The following NPHP3 variants were observed in gnomAD, a reference collection of about 807,000 sequenced individuals.
NPHP3 encodes the protein nephrocystin-3.
In NPHP3, 123 loss-of-function variants were observed where a neutral mutation model predicts 171.9. That is an observed-to-expected ratio of 0.72 (90% CI 0.62 to 0.83). The LOEUF is 0.83. NPHP3 is among the 40% of genes least tolerant of loss of function. The pLI is 0.00. For synonymous variants in NPHP3, 558 were observed against 579.2 expected (o/e 0.96, Z 0.52); for missense variants, 1,506 against 1,591.9 (o/e 0.95, Z 0.92).
chr3:132,705,782 T>C lies in NPHP3; in HGVS notation c.1308A>G (p.Gly436=), dbSNP rs777911324. The change falls in exon 8 of 27, where the codon GGA becomes GGG. Residue 436 remains glycine (G), a synonymous_variant. Coordinates refer to ENST00000337331, the MANE Select transcript of NPHP3 (RefSeq NM_153240.5). The stretch of plus-strand genomic sequence containing the variant: ...CTACACAAATATAAGTTTTATATAC[T>C]CCTTCTGCAGGATCTCCTGAGTGAT... ...IIDHSGDPAE[G]VYKTYICVEK... The C allele has an allele frequency of 4.0e-6, 6 of 1,509,104 alleles. No homozygotes were observed. The Admixed American group carries it at 6.7e-5, about 17-fold the overall frequency. 93.5% of individuals were successfully genotyped at this position (1,509,104 alleles called of 1,614,324 possible).
intron 9 of NPHP3, among the ~76,000 whole-genome samples, 153 bp from the exon 10 acceptor site, chr3:132,701,686 T>G (rs1321553381): frequency 2.6e-5 from 4 of 152,228 alleles, no homozygotes; most frequent in Non-Finnish European, 4.4e-5. Context: ...AATTGCCTAC[T>G]TTTATGGCTG....
chr3:132,718,947 T>C (rs1228475451), intron 3 of NPHP3, 47 bp downstream of exon 3: 1 of 1,593,764 alleles, frequency 6.3e-7, no homozygotes, highest in Admixed American at 1.7e-5. Context: ...CTACATGTCA[T>C]TACAGCCATG....
chr3:132,691,398 T>C (rs1939295665), intron 17 of NPHP3, 112 bp from the exon 18 acceptor site: 2 of 752,650 alleles, frequency 2.7e-6, no homozygotes, highest in Non-Finnish European at 4.7e-6. Context: ...AGCTGTATAA[T>C]AGAAATGTCA....
chr3:132,721,662 C>T, intron 1 of NPHP3: 1 of 557,690 alleles, frequency 1.8e-6, no homozygotes, highest in Non-Finnish European at 3.3e-6. Context: ...GGGGACCAGG[C>T]GCGGTGGCTC....
In NPHP3 at chr3:132,722,324, G is replaced by T. The variant is rs1207953446; in HGVS notation, c.32C>A (p.Ala11Glu). ...CGTGTCCTCGATCACTTCCCCGCCC[G>T]CGGGGCTCACGAGCGACGAGGCGGT... MGTASSLVSPAGGEVIEDTYG... is the reference protein window; with the variant it reads MGTASSLVSPEGGEVIEDTYG... The change falls in exon 1 of 27, where the codon GCG (alanine) becomes GAG (glutamate). Residue 11 changes from alanine (A) to glutamate (E), a missense_variant. Ala to Glu is a moderately radical substitution (Grantham distance 107, BLOSUM62 -1). Coordinates refer to ENST00000337331, the MANE Select transcript of NPHP3 (RefSeq NM_153240.5). 2 of 1,579,776 alleles carry T rather than the reference G, an allele frequency of 1.3e-6. No homozygotes were observed. The highest frequency in any genetic ancestry group is 1.7e-6 in the Non-Finnish European group (2 of 1,172,222).
At chr3:132,691,038 C>T (rs534048889) in intron 18 of NPHP3, among the ~76,000 whole-genome samples, 154 bp downstream of exon 18, 1 of 152,236 alleles carries the variant, frequency 6.6e-6, no homozygotes, top group Non-Finnish European at 1.5e-5. Flanking sequence ...TCATCTTTTG[C>T]TCTTTTGACA....
At position 132,700,040 on chromosome 3, in the gene NPHP3, C is replaced by G. The variant is rs753592193; in HGVS notation, c.1765G>C (p.Val589Leu). The stretch of plus-strand genomic sequence containing the variant: ...GCAGGATCCAGTGTCAGAGCAGAGA[C>G]TGACCAAGAGTGCTGCATCAACTAC... ...TLKLMQHSWSVSALTLDPAKL... is the reference protein window; with the variant it reads ...TLKLMQHSWSLSALTLDPAKL... The change falls in exon 12 of 27, where the codon GTC becomes CTC. Residue 589 changes from valine to leucine, a missense_variant. Val to Leu is a conservative substitution (Grantham distance 32, BLOSUM62 1). Transcript: ENST00000337331. 1 of 1,614,112 alleles carries G rather than the reference C, an allele frequency of 6.2e-7. No homozygotes were observed. The highest frequency in any genetic ancestry group is 2.2e-5 in the East Asian group (1 of 44,880).
intron 16 of NPHP3, 141 bp from the exon 17 acceptor site, chr3:132,692,959 G>C (rs747652498): frequency 5.4e-5 from 39 of 718,332 alleles, no homozygotes; most frequent in Non-Finnish European, 8.1e-5. Flanking sequence ...TCAAGAAACA[G>C]ATTTATTAAA....
chr3:132,721,555 G>A (rs1940218584), intron 1 of NPHP3: 6 of 322,472 alleles, frequency 1.9e-5, no homozygotes, highest in South Asian at 1.5e-4. Context: ...GGGCGCGGGG[G>A]CGGCAGTGGA....
chr3:132,719,193 G>T (rs1177771997), intron 2 of NPHP3, 49 bp from the exon 3 acceptor site: 3 of 1,440,140 alleles, frequency 2.1e-6, no homozygotes, highest in South Asian at 1.2e-5. Flanking sequence ...TAATCAAAAA[G>T]TTGTGTCATC....
intron 18 of NPHP3, 60 bp from the exon 19 acceptor site, chr3:132,690,710 G>C: frequency 3.8e-6 from 6 of 1,561,010 alleles, no homozygotes; most frequent in Non-Finnish European, 4.4e-6. Flanking sequence ...CTTCAAAAAG[G>C]CTTCAGGCAA....
chr3:132,705,317 G>C (rs763381313), intron 8 of NPHP3, among the ~76,000 whole-genome samples: 9 of 152,050 alleles, frequency 5.9e-5, no homozygotes, highest in Non-Finnish European at 1.2e-4. Context: ...CCTGGTCCAT[G>C]TTCTCACCCC....
At chr3:132,718,049 C>T (rs55886144) in intron 3 of NPHP3, 14,818 of 408,100 alleles carry the variant, frequency 0.036, 396 homozygotes, top group African/African-American at 0.17. Context: ...CCACCGTGCC[C>T]GGCCTTCATT....
chr3:132,722,050 G>C lies in NPHP3; in HGVS notation c.306C>G (p.Arg102=). Residue 102 remains arginine, a synonymous_variant, in exon 1 of 27, where the codon CGC becomes CGG. Transcript: ENST00000337331. The stretch of plus-strand genomic sequence containing the variant: ...ACAACAACTCCTGGTTCTTGCTGAC[G>C]CGAAAGATCTCGTACTCCTTCCTGA... The part of the protein sequence containing the change: ...ERLRKEYEIF[R]VSKNQELLSM... The C allele has an allele frequency of 6.2e-7, 1 of 1,613,036 alleles. No homozygotes were observed. Among genetic ancestry groups the C allele is most frequent in the Non-Finnish European group, 8.5e-7 (1 of 1,179,898 alleles).
intron 13 of NPHP3, 26 bp from the exon 14 acceptor site, chr3:132,697,388 A>G (rs1422659095): frequency 7.1e-7 from 1 of 1,413,970 alleles, no homozygotes; most frequent in South Asian, 1.2e-5. Context: ...AAGAAAAATG[A>G]AATTTTAATA....
chr3:132,718,705 T>C (rs1940122149), intron 3 of NPHP3, among the ~76,000 whole-genome samples: 1 of 152,192 alleles, frequency 6.6e-6, no homozygotes, highest in African/African-American at 2.4e-5. Flanking sequence ...AAAATGCAGA[T>C]GTGCTGGTGG....
Position 132,722,154 on chromosome 3 carries a change from C to A in NPHP3, c.202G>T (p.Gly68Trp), listed in dbSNP as rs1396602812. ...GACTTGAAGCTGGCCCCCAGCAGCC[C>A]GCCCGCGCCCACCCCGCGGGGCAGC... is the stretch of plus-strand genomic sequence containing the variant. ...GSLPRGVGAG[G>W]LLGASFKSTG... Residue 68 changes from glycine (G) to tryptophan (W), a missense_variant, in exon 1 of 27, where the codon GGG becomes TGG. Around this residue, in one of 3 missense-constraint regions of NPHP3, gnomAD observed 930 missense variants for 924.9 expected, o/e 1.01. Coordinates refer to ENST00000337331, the MANE Select transcript of NPHP3 (RefSeq NM_153240.5). 4 of 1,584,796 alleles carry A rather than the reference C, an allele frequency of 2.5e-6. No homozygotes were observed. The Admixed American group carries it at 5.2e-5, about 20-fold the overall frequency.
Position 132,684,679 on chromosome 3 carries a change from T to C in NPHP3, c.3445A>G (p.Lys1149Glu), listed in dbSNP as rs1295478762. 2 of 1,614,130 alleles carry C rather than the reference T, an allele frequency of 1.2e-6. No homozygotes were observed. Among genetic ancestry groups the C allele is most frequent in the Non-Finnish European group, 8.5e-7 (1 of 1,180,004 alleles). Residue 1149 changes from lysine to glutamate, a missense_variant, in exon 24 of 27, where the codon AAA becomes GAA. By Grantham distance (56) the Lys-to-Glu change is moderately conservative. This residue lies in a region of NPHP3 where 569 missense variants were observed against 648.1 expected (regional missense o/e 0.88). Transcript: ENST00000337331. ...NNLAALCNEK[K>E]QYDKAEELYE... ...AGTTCTTCTGCTTTATCATACTGTT[T>C]CTTTTCATTGCATAGAGCTGCCAGA...
chr3:132,719,075 G>A lies in NPHP3; in HGVS notation c.589C>T (p.Leu197Phe), dbSNP rs111707939. 12 of 1,613,994 alleles carry A rather than the reference G, an allele frequency of 7.4e-6. No individual in the cohort carries two copies. In the African/African-American group the frequency reaches 8.0e-5, roughly 11 times the overall value. The change falls in exon 3 of 27, where the codon CTT (leucine) becomes TTT (phenylalanine). Residue 197 changes from leucine to phenylalanine, a missense_variant. Leu to Phe is a conservative substitution (Grantham distance 22, BLOSUM62 0). Coordinates refer to ENST00000337331, the MANE Select transcript of NPHP3 (RefSeq NM_153240.5). The part of the protein sequence containing the change: ...LRAKRELESK[L>F]QRLQAQGIQV... The stretch of plus-strand genomic sequence containing the variant: ...ATACCCTGAGCCTGTAGCCTCTGAA[G>A]TTTGCTCTCCAACTCCCTCTTGGCC...
Sources: allele counts gnomAD v4.1 joint callset (sites outside exome capture counted in the v4.1 genomes callset), GRCh38; gene constraint gnomAD v4.1.1; regional missense constraint gnomAD v4.1.1; transcripts MANE v1.5; gene names NCBI Gene and HGNC (gene_info 2026-07-23, HGNC 2026-07-21).